RCAN2: variants seen among roughly 807,000 people sequenced by gnomAD.
The protein encoded by RCAN2 is calcipressin-2.
A neutral mutation model predicts 23.6 loss-of-function variants in RCAN2; 9 were observed. The ratio of observed to expected loss-of-function variants is 0.38; its 90% CI spans 0.23 to 0.67. RCAN2 has a LOEUF of 0.67. Ranked by LOEUF, RCAN2 falls within the 30% of genes least tolerant of loss-of-function variation. RCAN2 has a pLI of 0.51. For synonymous variants in RCAN2, 109 were observed against 115.7 expected, an observed-to-expected ratio of 0.94 and a Z score of 0.37; for missense variants, 273 against 302.3, an observed-to-expected ratio of 0.90 and a Z score of 0.72.
chr6:46,446,983 A>G (rs1251097999), intron 2 of RCAN2, among the ~76,000 whole-genome samples: 2 of 152,122 alleles, frequency 1.3e-5, no homozygotes, highest in Non-Finnish European at 2.9e-5. Flanking sequence ...ATAAATTCTT[A>G]CCTATCAATT....
At position 46,397,372 on chromosome 6, in the gene RCAN2, AACACAC is replaced by A. The variant is rs58494804; in HGVS notation, c.225+59374_225+59379del. On this transcript the variant is annotated intron_variant, in intron 2 of 4. Coordinates refer to ENST00000371374, the MANE Select transcript of RCAN2 (RefSeq NM_001251974.2). ...TCCATATAGGATAAAATTTCACAGA[AACACAC>A]ACACACACACACACACACACACACA... 9.4e-4 allele frequency among the ~76,000 whole-genome samples: 138 copies of A among 146,238 alleles called. 1 individual carries two copies. Among genetic ancestry groups the A allele is most frequent in the Admixed American group, 1.2e-3 (18 of 14,584 alleles).
At chr6:46,330,653 C>T (rs1168980254) in intron 2 of RCAN2, among the ~76,000 whole-genome samples, 1 of 152,166 alleles carries the variant, frequency 6.6e-6, no homozygotes, top group Non-Finnish European at 1.5e-5. Flanking sequence ...TGTTCCTTCT[C>T]TTCCTTCTTT....
intron 2 of RCAN2, among the ~76,000 whole-genome samples, chr6:46,442,151 A>C (rs1767566192): frequency 6.6e-6 from 1 of 152,242 alleles, no homozygotes; most frequent in Non-Finnish European, 1.5e-5. Flanking sequence ...AGCTGTTGAG[A>C]CTAAAGAAAA....
chr6:46,301,242 T>C (rs1762896118), intron 2 of RCAN2, among the ~76,000 whole-genome samples: 1 of 152,064 alleles, frequency 6.6e-6, no homozygotes, highest in Non-Finnish European at 1.5e-5. Flanking sequence ...GATTCAATAA[T>C]TGAGAATGCC....
At chr6:46,269,635 A>G (rs1470553349) in intron 2 of RCAN2, among the ~76,000 whole-genome samples, 1 of 152,146 alleles carries the variant, frequency 6.6e-6, no homozygotes, top group African/African-American at 2.4e-5. Context: ...CGGCTGGAGG[A>G]GTGCCAGCTG....
intron 4 of RCAN2, among the ~76,000 whole-genome samples, chr6:46,226,217 C>T (rs368831260): frequency 7.2e-5 from 11 of 152,100 alleles, no homozygotes; most frequent in East Asian, 1.9e-4. Context: ...AGTCAGGTAG[C>T]GTGATGCCTC....
intron 2 of RCAN2, among the ~76,000 whole-genome samples, chr6:46,373,892 A>AC (rs1166510757): frequency 2.6e-5 from 4 of 152,172 alleles, no homozygotes; most frequent in Non-Finnish European, 4.4e-5. Flanking sequence ...GTTTTAGGGG[A>AC]AGTCTTGACA....
intron 2 of RCAN2, among the ~76,000 whole-genome samples, chr6:46,333,772 T>G (rs1265052945): frequency 6.6e-6 from 1 of 152,260 alleles, no homozygotes; most frequent in African/African-American, 2.4e-5. Context: ...TTTCTACAAG[T>G]GAACTCAGCC....
At chr6:46,258,802 C>CCT (rs1320594212) in intron 2 of RCAN2, among the ~76,000 whole-genome samples, 1 of 152,090 alleles carries the variant, frequency 6.6e-6, no homozygotes, top group Non-Finnish European at 1.5e-5. Flanking sequence ...TCTTCTTAGT[C>CCT]ATCATCTAAA....
rs138121272 is a variant in RCAN2 at position 46,358,936 on chromosome 6, C to T, written c.225+97816G>A. 7.2e-4 allele frequency among the ~76,000 whole-genome samples: 110 copies of T among 152,216 alleles called. No individual in the cohort carries two copies. In the South Asian group the frequency reaches 8.1e-3, roughly 11 times the overall value. On this transcript the variant is annotated intron_variant, in intron 2 of 4. Coordinates refer to ENST00000371374, the MANE Select transcript of RCAN2 (RefSeq NM_001251974.2). Reference sequence around the variant, plus strand: ...GGTGGAGAACCACTAAACTAGGTGACGTCTGGGGGACTATTACAGCTAGAA... The same window carrying T: ...GGTGGAGAACCACTAAACTAGGTGATGTCTGGGGGACTATTACAGCTAGAA...
chr6:46,351,010 G>A (rs1764631381), intron 2 of RCAN2, among the ~76,000 whole-genome samples: 2 of 152,130 alleles, frequency 1.3e-5, no homozygotes, highest in African/African-American at 4.8e-5. Context: ...ACCTTCTTGG[G>A]TTGTTGGGAG....
chr6:46,478,244 T>C (rs568888581), intron 1 of RCAN2, among the ~76,000 whole-genome samples: 52 of 152,334 alleles, frequency 3.4e-4, no homozygotes, highest in African/African-American at 8.9e-4. Flanking sequence ...ACAGCCCATC[T>C]AGCCCAGCTC....
chr6:46,336,777 C>G (rs1198254285), intron 2 of RCAN2, among the ~76,000 whole-genome samples: 1 of 152,170 alleles, frequency 6.6e-6, no homozygotes, highest in East Asian at 1.9e-4. Context: ...GACTCCAAAA[C>G]TCTTGCCAGA....
chr6:46,259,734 C>T (rs1382554810), intron 2 of RCAN2, among the ~76,000 whole-genome samples: 1 of 152,172 alleles, frequency 6.6e-6, no homozygotes, highest in Non-Finnish European at 1.5e-5. Flanking sequence ...ACCAATTGCA[C>T]GTCCAGGCTT....
intron 2 of RCAN2, among the ~76,000 whole-genome samples, chr6:46,416,118 A>G (rs1424700575): frequency 2.0e-5 from 3 of 152,162 alleles, no homozygotes; most frequent in African/African-American, 7.2e-5. Context: ...CTATGGATTC[A>G]GAACCCATGG....
intron 2 of RCAN2, among the ~76,000 whole-genome samples, chr6:46,359,342 A>G (rs1445642655): frequency 6.6e-6 from 1 of 152,258 alleles, no homozygotes; most frequent in African/African-American, 2.4e-5. Flanking sequence ...GGTGTGATAC[A>G]GAGACAGGGA....
intron 2 of RCAN2, among the ~76,000 whole-genome samples, chr6:46,307,112 C>T (rs1430463931): frequency 6.6e-6 from 1 of 152,076 alleles, no homozygotes; most frequent in African/African-American, 2.4e-5. Flanking sequence ...TTCCAAATCC[C>T]TATCTATGGA....
At chr6:46,490,575 G>C (rs964133680) in intron 1 of RCAN2, among the ~76,000 whole-genome samples, 6 of 152,088 alleles carry the variant, frequency 3.9e-5, no homozygotes, top group South Asian at 2.1e-4. Context: ...CCACAGGCAG[G>C]ACGAACCCGG....
At chr6:46,304,831 G>A (rs187079544) in intron 2 of RCAN2, among the ~76,000 whole-genome samples, 40 of 152,160 alleles carry the variant, frequency 2.6e-4, no homozygotes, top group Admixed American at 8.5e-4. Flanking sequence ...ATGCTCTTTC[G>A]TTAAAGACAG....
Sources: gnomAD v4.1 joint callset for allele counts (sites outside exome capture counted in the v4.1 genomes callset) on GRCh38, gnomAD v4.1.1 for gene constraint, MANE v1.5 for transcripts, NCBI Gene and HGNC (gene_info 2026-07-23, HGNC 2026-07-21) for gene names.